Variants in FHIT observed in about 807,000 individuals in gnomAD.
The protein encoded by FHIT is fragile histidine triad diadenosine triphosphatase.
Under a neutral mutation model 17.9 loss-of-function variants are expected in FHIT, and 19 were observed. That is an observed-to-expected ratio of 1.06 (90% confidence interval 0.74 to 1.56). The LOEUF (loss-of-function observed/expected upper bound fraction) is 1.56. Ranked by LOEUF, FHIT falls within the 40% of genes most tolerant of loss-of-function variation. The pLI is 0.00. For synonymous variants in FHIT, 81 were observed against 69.7 expected (o/e 1.16, Z -0.81); for missense variants, 248 against 189.2 (o/e 1.31, Z -1.82).
intron 5 of FHIT, among the ~76,000 whole-genome samples, chr3:60,236,618 T>C (rs754048394): frequency 1.3e-5 from 2 of 152,196 alleles, no homozygotes; most frequent in African/African-American, 2.4e-5. Flanking sequence ...TAGAGACCAG[T>C]TGCCTTTCTT....
chr3:60,334,821 A>C (rs998353835), intron 5 of FHIT, among the ~76,000 whole-genome samples: 2 of 152,188 alleles, frequency 1.3e-5, no homozygotes, highest in African/African-American at 4.8e-5. Flanking sequence ...ACAAACAAAA[A>C]AACTATATAT....
intron 8 of FHIT, among the ~76,000 whole-genome samples, chr3:59,863,888 T>C (rs927570519): frequency 6.6e-6 from 1 of 152,176 alleles, no homozygotes; most frequent in African/African-American, 2.4e-5. Flanking sequence ...AACAAATATT[T>C]CTAGCTTGTC....
chr3:60,834,500 C>A (rs1702455333), intron 3 of FHIT, among the ~76,000 whole-genome samples: 1 of 151,720 alleles, frequency 6.6e-6, no homozygotes, highest in African/African-American at 2.4e-5. Flanking sequence ...AAATACTAGT[C>A]CTTTGTCAGA....
At chr3:60,500,133 T>C (rs2034463726) in intron 5 of FHIT, among the ~76,000 whole-genome samples, 1 of 152,208 alleles carries the variant, frequency 6.6e-6, no homozygotes. Flanking sequence ...ATGACGGCCC[T>C]AGAGCCAAAC....
At chr3:60,093,331 C>G (rs545723360) in intron 5 of FHIT, among the ~76,000 whole-genome samples, 1 of 152,126 alleles carries the variant, frequency 6.6e-6, no homozygotes, top group Non-Finnish European at 1.5e-5. Context: ...AATAATGGGA[C>G]GAAACCATCT....
intron 4 of FHIT, among the ~76,000 whole-genome samples, chr3:60,633,881 A>G (rs1553683067): frequency 6.6e-6 from 1 of 152,172 alleles, no homozygotes; most frequent in Non-Finnish European, 1.5e-5. Flanking sequence ...AAGGTTTCAG[A>G]CCCACGGTGG....
intron 2 of FHIT, among the ~76,000 whole-genome samples, chr3:61,090,440 C>T (rs1468799788): frequency 6.6e-6 from 1 of 152,170 alleles, no homozygotes; most frequent in African/African-American, 2.4e-5. Flanking sequence ...TAGGGATGGT[C>T]TGAAATGATA....
intron 4 of FHIT, among the ~76,000 whole-genome samples, chr3:60,657,711 A>G (rs1397114226): frequency 6.6e-6 from 1 of 152,176 alleles, no homozygotes; most frequent in Non-Finnish European, 1.5e-5. Context: ...AATTTTAGCA[A>G]GAATCCTCTT....
At chr3:60,058,300 T>G (rs1421583725) in intron 5 of FHIT, among the ~76,000 whole-genome samples, 13 of 151,838 alleles carry the variant, frequency 8.6e-5, no homozygotes, top group African/African-American at 3.1e-4. Flanking sequence ...CCAGCTAATT[T>G]TTGTATTTTT....
At chr3:59,908,690 G>C (rs538940349) in intron 8 of FHIT, among the ~76,000 whole-genome samples, 6 of 152,096 alleles carry the variant, frequency 3.9e-5, no homozygotes, top group Non-Finnish European at 7.4e-5. Flanking sequence ...TCTGAATTGA[G>C]AGATTATAAG....
chr3:61,033,109 G>A lies in FHIT; in HGVS notation c.-111+8938C>T, dbSNP rs114487478. ...CCTTGATGAGGGTGACTTTTACTTA[G>A]TCTGCTGATTCACATGCTAATCTCT... On this transcript the variant is annotated intron_variant, in intron 3 of 9. Coordinates refer to ENST00000492590, the MANE Select transcript of FHIT (RefSeq NM_002012.4). Among the ~76,000 whole-genome samples, 435 of 152,300 alleles carry A rather than the reference G, an allele frequency of 2.9e-3. 2 individuals are homozygous for A. The highest frequency in any genetic ancestry group is 0.01 in the African/African-American group (423 of 41,542).
rs544756643 is a variant in FHIT at position 60,592,734 on chromosome 3, C to T, written c.-17-55755G>A. ...AACAAGGAAGGTTAGAAATGTAATC[C>T]TTCCTCTAGGCAGTTGTGCAGGCTC... is the stretch of plus-strand genomic sequence containing the variant. On this transcript the variant is annotated intron_variant, in intron 4 of 9. Transcript: ENST00000492590. 6.6e-4 allele frequency among the ~76,000 whole-genome samples: 101 copies of T among 152,182 alleles called. 1 individual carries two copies. Among genetic ancestry groups the T allele is most frequent in the South Asian group, 1.9e-3 (9 of 4,820 alleles).
intron 4 of FHIT, among the ~76,000 whole-genome samples, chr3:60,715,626 TG>T (rs1385053259): frequency 2.0e-5 from 1 of 50,348 alleles, no homozygotes; most frequent in Non-Finnish European, 3.5e-5. Flanking sequence ...TGTTGTGGGG[TG>T]GGGGGAGGGG....
chr3:61,010,088 A>G (rs1342978445), intron 3 of FHIT, among the ~76,000 whole-genome samples: 1 of 152,236 alleles, frequency 6.6e-6, no homozygotes. Flanking sequence ...CAATGTTCTA[A>G]GAATAATCAC....
chr3:60,929,271 A>T (rs1319093322), intron 3 of FHIT, among the ~76,000 whole-genome samples: 10 of 152,192 alleles, frequency 6.6e-5, no homozygotes, highest in African/African-American at 2.4e-4. Flanking sequence ...AATGGGCAAA[A>T]ACTGGAAGCA....
chr3:59,945,651 A>G (rs192085774), intron 7 of FHIT, among the ~76,000 whole-genome samples: 2 of 152,034 alleles, frequency 1.3e-5, no homozygotes, highest in Non-Finnish European at 2.9e-5. Context: ...TTTACATTTA[A>G]GTCTTCAGTA....
chr3:59,859,488 C>T (rs1029986816), intron 8 of FHIT, among the ~76,000 whole-genome samples: 65 of 152,166 alleles, frequency 4.3e-4, no homozygotes, highest in African/African-American at 1.4e-3. Context: ...GAGGCTGAGG[C>T]GGGTGGATCA....
At chr3:59,949,705 T>C (rs998338589) in intron 7 of FHIT, among the ~76,000 whole-genome samples, 4 of 152,204 alleles carry the variant, frequency 2.6e-5, no homozygotes, top group African/African-American at 9.7e-5. Context: ...GGGGCTCACA[T>C]TTGGCTAATT....
chr3:60,086,493 G>A (rs1703499038), intron 5 of FHIT, among the ~76,000 whole-genome samples: 1 of 152,112 alleles, frequency 6.6e-6, no homozygotes, highest in Non-Finnish European at 1.5e-5. Flanking sequence ...TCTCATCTGT[G>A]ACCCAAGGTA....
Sources: gnomAD v4.1 joint callset for allele counts (sites outside exome capture counted in the v4.1 genomes callset) on GRCh38, gnomAD v4.1.1 for gene constraint, MANE v1.5 for transcripts, NCBI Gene and HGNC (gene_info 2026-07-23, HGNC 2026-07-21) for gene names.